Variants in INPP5F observed in about 807,000 individuals in gnomAD.
INPP5F encodes inositol polyphosphate-5-phosphatase F.
Under a neutral mutation model 137.2 loss-of-function variants are expected in INPP5F, and 97 were observed. The ratio of observed to expected loss-of-function variants is 0.71; its 90% CI spans 0.60 to 0.84. The LOEUF (loss-of-function observed/expected upper bound fraction) is 0.84, where lower values mean the gene tolerates loss of function less well. Among genes scored for constraint, INPP5F ranks in the 40% least tolerant of loss-of-function variants. The probability of loss-of-function intolerance (pLI) is 0.00; values close to 1 mark genes in which losing one functional copy is unlikely to be tolerated. For missense variants in INPP5F, 1,271 were observed against 1,371.9 expected (o/e 0.93, Z 1.16); for synonymous variants, 504 against 476.9 (o/e 1.06, Z -0.74).
In INPP5F at chr10:119,804,193, C is replaced by A. The variant is rs767227994; in HGVS notation, c.1137C>A (p.Asp379Glu). 7.5e-6 allele frequency: 12 copies of A among 1,608,828 alleles called. No individual in the cohort carries two copies. In the East Asian group the frequency reaches 2.7e-4, roughly 36 times the overall value. The stretch of plus-strand genomic sequence containing the variant: ...TATAGGTTATTATTAACTTGGTAGA[C>A]CAGGCAGGAAGAGAGAAGATTATTG... ...YKKQVIINLV[D>E]QAGREKIIGD... is the part of the protein sequence containing the mutation. Residue 379 changes from aspartate (D) to glutamate (E), a missense_variant, in exon 10 of 20, where the codon GAC becomes GAA. Around this residue, in one of 6 missense-constraint regions of INPP5F, gnomAD observed 593 missense variants for 712.4 expected, o/e 0.83. Coordinates refer to ENST00000650623, the MANE Select transcript of INPP5F (RefSeq NM_014937.4).
At position 119,826,759 on chromosome 10, in the gene INPP5F, C is replaced by G. The variant is rs762853662; in HGVS notation, c.2378C>G (p.Ser793Cys). 1.2e-6 allele frequency: 2 copies of G among 1,613,848 alleles called. No individual in the cohort carries two copies. The highest frequency in any genetic ancestry group is 2.2e-5 in the South Asian group (2 of 90,982). The change falls in exon 20 of 20, where the codon TCC becomes TGC. Residue 793 changes from serine (S) to cysteine (C), a missense_variant. This residue lies in a region of INPP5F where 490 missense variants were observed against 443.7 expected (regional missense o/e 1.10). Transcript: ENST00000650623. ...SLNQKVKQTK[S>C]NVNIGNLRKL... ...AATCAAAAAGTGAAGCAGACCAAAT[C>G]CAATGTAAATATTGGCAACCTCCGA...
Position 119,739,183 on chromosome 10 carries a change from A to AG in INPP5F, c.98-11889dup, listed in dbSNP as rs145461466. Among the ~76,000 whole-genome samples, 192 of 152,240 alleles carry AG rather than the reference A, an allele frequency of 1.3e-3. 1 individual carries two copies. Among genetic ancestry groups the AG allele is most frequent in the African/African-American group, 4.5e-3 (186 of 41,544 alleles). ...GGTAGCAGAGTGAGACCTTGTCTCA[A>AG]GGGGAAAAAAAAAATTGCCCAGAAG... On this transcript the variant is annotated intron_variant, in intron 1 of 19. Coordinates refer to ENST00000650623, the MANE Select transcript of INPP5F (RefSeq NM_014937.4).
At chr10:119,780,029 T>C (rs895259480) in intron 2 of INPP5F, among the ~76,000 whole-genome samples, 1 of 152,184 alleles carries the variant, frequency 6.6e-6, no homozygotes, top group African/African-American at 2.4e-5. Flanking sequence ...TTTCTATCAC[T>C]AGCAGTGCAG....
At chr10:119,773,259 G>A (rs1277605871) in intron 2 of INPP5F, among the ~76,000 whole-genome samples, 1 of 151,916 alleles carries the variant, frequency 6.6e-6, no homozygotes, top group Admixed American at 6.6e-5. Context: ...GTCTTGCTGT[G>A]TTGCCCAGGC....
intron 19 of INPP5F, among the ~76,000 whole-genome samples, chr10:119,825,569 G>A (rs141361941): frequency 0.019 from 2,851 of 152,270 alleles, 46 homozygotes; most frequent in Admixed American, 0.057. Context: ...GTGGCCACAA[G>A]TGATACATTT....
At chr10:119,816,979 C>A (rs990580445) in intron 15 of INPP5F, among the ~76,000 whole-genome samples, 10 of 152,194 alleles carry the variant, frequency 6.6e-5, no homozygotes, top group African/African-American at 2.4e-4. Flanking sequence ...AAGCCCCGTA[C>A]TTTTTAGCTG....
At chr10:119,817,988 G>A (rs1851348727) in intron 15 of INPP5F, among the ~76,000 whole-genome samples, 1 of 152,230 alleles carries the variant, frequency 6.6e-6, no homozygotes, top group Non-Finnish European at 1.5e-5. Context: ...CTGGAAATGC[G>A]CAGTCCCAGC....
At chr10:119,794,009 T>G (rs1430417875) in intron 6 of INPP5F, among the ~76,000 whole-genome samples, 1 of 152,250 alleles carries the variant, frequency 6.6e-6, no homozygotes, top group East Asian at 1.9e-4. Context: ...TTTTTATTTT[T>G]ATTTTTTATG....
intron 1 of INPP5F, among the ~76,000 whole-genome samples, chr10:119,737,052 C>G (rs1460793262): frequency 6.6e-6 from 1 of 152,114 alleles, no homozygotes; most frequent in African/African-American, 2.4e-5. Flanking sequence ...TGGTCTCAAA[C>G]CCCTGGGCTC....
chr10:119,804,101 TC>T, intron 9 of INPP5F, 71 bp from the exon 10 acceptor site: 1 of 1,084,322 alleles, frequency 9.2e-7, no homozygotes. Flanking sequence ...GATTCTAACA[TC>T]TAATTAAATT....
chr10:119,752,856 G>T (rs1252470502), intron 2 of INPP5F, among the ~76,000 whole-genome samples: 2 of 151,292 alleles, frequency 1.3e-5, no homozygotes, highest in Non-Finnish European at 2.9e-5. Flanking sequence ...ATCCATGCAT[G>T]AAACTGTAGT....
chr10:119,726,763 G>T (rs999537227), intron 1 of INPP5F, among the ~76,000 whole-genome samples: 1 of 152,238 alleles, frequency 6.6e-6, no homozygotes, highest in African/African-American at 2.4e-5. Context: ...TTCGAATTCC[G>T]ATCTGGAGCG....
intron 1 of INPP5F, among the ~76,000 whole-genome samples, chr10:119,732,500 C>CTTTTTTCTTT (rs747957849): frequency 8.7e-6 from 1 of 115,566 alleles, no homozygotes; most frequent in African/African-American, 3.4e-5. Flanking sequence ...TTTCTTTTTT[C>CTTTTTTCTTT]TTTTTTTTTT....
intron 1 of INPP5F, among the ~76,000 whole-genome samples, chr10:119,747,886 T>C (rs1301281177): frequency 6.6e-6 from 1 of 152,238 alleles, no homozygotes; most frequent in African/African-American, 2.4e-5. Flanking sequence ...AGAAAAACTA[T>C]GTTAGAAATG....
chr10:119,740,183 A>T (rs1848333483), intron 1 of INPP5F, among the ~76,000 whole-genome samples: 1 of 152,300 alleles, frequency 6.6e-6, no homozygotes, highest in Admixed American at 6.5e-5. Context: ...GTTTACCAGT[A>T]TCCATGTCTT....
intron 3 of INPP5F, among the ~76,000 whole-genome samples, chr10:119,782,659 A>C (rs1849748035): frequency 6.6e-6 from 1 of 152,184 alleles, no homozygotes; most frequent in Admixed American, 6.5e-5. Context: ...TGTGGAAAAA[A>C]AAAATTAATG....
chr10:119,768,337 A>G (rs1414957967), intron 2 of INPP5F: 3 of 152,260 alleles, frequency 2.0e-5, no homozygotes, highest in African/African-American at 7.2e-5. Context: ...GGAGTGAGCT[A>G]TGCTGATTGG....
Position 119,774,240 on chromosome 10 carries a change from G to A in INPP5F, c.179-7395G>A, listed in dbSNP as rs1223256231. Among the ~76,000 whole-genome samples, 444 of 127,442 alleles carry A rather than the reference G, an allele frequency of 3.5e-3. 2 individuals are homozygous for A. The highest frequency in any genetic ancestry group is 0.013 in the African/African-American group (427 of 32,760). 83.6% of individuals were successfully genotyped at this position (127,442 alleles called of 152,430 possible). ...TCACGCCACTGTACTCCAGCCTGGC[G>A]ACAGAGGGAGACTCAGTCTCCAAAA... On this transcript the variant is annotated intron_variant, in intron 2 of 19. Coordinates refer to ENST00000650623, the MANE Select transcript of INPP5F (RefSeq NM_014937.4).
In INPP5F at chr10:119,827,435, T is replaced by C. The variant is rs372064174; in HGVS notation, c.3054T>C (p.Leu1018=). 2.0e-5 allele frequency: 33 copies of C among 1,614,194 alleles called. No individual in the cohort carries two copies. Among genetic ancestry groups the C allele is most frequent in the Middle Eastern group, 3.3e-4 (2 of 6,062 alleles). Residue 1018 remains leucine, a synonymous_variant, in exon 20 of 20, where the codon CTT becomes CTC. Transcript: ENST00000650623. ...GGCCATCGCAATTAGATGTCTCTCT[T>C]TCTGCAACAGGCCCACAGTTTTTGT... The part of the protein sequence containing the change: ...PSRPSQLDVS[L]SATGPQFLSV...
Sources: allele counts gnomAD v4.1 joint callset (sites outside exome capture counted in the v4.1 genomes callset), GRCh38; gene constraint gnomAD v4.1.1; regional missense constraint gnomAD v4.1.1; transcripts MANE v1.5; gene names NCBI Gene and HGNC (gene_info 2026-07-23, HGNC 2026-07-21).